Variants in ZNF157 observed in about 807,000 individuals in gnomAD.
ZNF157 encodes the protein zinc finger protein 157, also known as zinc finger protein 22.
A neutral mutation model predicts 9.4 loss-of-function variants in ZNF157; 8 were observed. The observed-to-expected ratio is 0.85, with a 90% CI of 0.50 to 1.53. The LOEUF is 1.53. Among genes scored for constraint, ZNF157 ranks in the 40% most tolerant of loss-of-function variants. ZNF157 has a pLI of 0.00. For missense variants in ZNF157, 316 were observed against 385.2 expected (o/e 0.82, Z 1.50); for synonymous variants, 120 against 130.8 (o/e 0.92, Z 0.56).
intron 1 of ZNF157, 78 bp from the exon 2 acceptor site, chrX:47,410,198 A>G: frequency 8.5e-7 from 1 of 1,173,739 alleles, no homozygotes; most frequent in Non-Finnish European, 1.2e-6. Flanking sequence ...AACTTTCAAC[A>G]GGGCTCCATT....
At chrX:47,378,976 C>T (rs2055853119) in intron 1 of ZNF157, among the ~76,000 whole-genome samples, 1 of 111,612 alleles carries the variant, frequency 9.0e-6, no homozygotes. Flanking sequence ...TATAATTTTA[C>T]AACGGTAGTT....
At chrX:47,379,724 C>CTT (rs200985634) in intron 1 of ZNF157, among the ~76,000 whole-genome samples, 1,645 of 62,717 alleles carry the variant, frequency 0.026, 142 homozygotes, top group African/African-American at 0.092. Context: ...TGTCTAGATG[C>CTT]TTTTTTTTTT....
intron 2 of ZNF157, 59 bp downstream of exon 2, chrX:47,410,461 A>G: frequency 8.5e-7 from 1 of 1,178,838 alleles, no homozygotes; most frequent in Non-Finnish European, 1.1e-6. Context: ...TGGTTGCTGT[A>G]ACATGTGCAG....
chrX:47,372,899 C>T (rs1379295517), intron 1 of ZNF157, among the ~76,000 whole-genome samples: 1 of 109,993 alleles, frequency 9.1e-6, no homozygotes, highest in East Asian at 2.9e-4. Context: ...GACCTCATTA[C>T]TACAAAAAAT....
Position 47,413,342 on chromosome X carries a change from C to G in ZNF157, c.1269C>G (p.Phe423Leu), listed in dbSNP as rs1569261735. ...PYECSECGKI[F>L]SMKKSLCQHR... ...AATGTAGTGAATGTGGGAAAATCTT[C>G]AGTATGAAGAAATCCCTTTGTCAAC... The change falls in exon 4 of 4, where the codon TTC becomes TTG. Residue 423 changes from phenylalanine (F) to leucine (L), a missense_variant. Physicochemically the swap from Phe to Leu is conservative, Grantham distance 22. Coordinates refer to ENST00000377073, the MANE Select transcript of ZNF157 (RefSeq NM_003446.4). The G allele has an allele frequency of 8.3e-7, 1 of 1,211,303 alleles. No individual in the cohort carries two copies. Among genetic ancestry groups the G allele is most frequent in the East Asian group, 3.0e-5 (1 of 33,798 alleles).
chrX:47,407,883 T>G, intron 1 of ZNF157, among the ~76,000 whole-genome samples: 1 of 110,376 alleles, frequency 9.1e-6, no homozygotes, highest in Admixed American at 9.8e-5. Flanking sequence ...CCTCCTACCT[T>G]CCAACACCCC....
intron 1 of ZNF157, among the ~76,000 whole-genome samples, chrX:47,388,321 T>G (rs2055886263): frequency 9.1e-6 from 1 of 109,562 alleles, no homozygotes; most frequent in Non-Finnish European, 1.9e-5. Context: ...TGAGCTCAAG[T>G]CATCCTCCCG....
chrX:47,404,286 C>A (rs2055940172), intron 1 of ZNF157, among the ~76,000 whole-genome samples: 1 of 109,507 alleles, frequency 9.1e-6, no homozygotes, highest in Non-Finnish European at 1.9e-5. Context: ...CCCCCTCGGC[C>A]TCCCTGTAGC....
At chrX:47,391,758 C>A (rs953187750) in intron 1 of ZNF157, among the ~76,000 whole-genome samples, 1 of 111,865 alleles carries the variant, frequency 8.9e-6, no homozygotes, top group Non-Finnish European at 1.9e-5. Flanking sequence ...CCGTGTTGGC[C>A]AGGCTGGTCT....
intron 1 of ZNF157, among the ~76,000 whole-genome samples, chrX:47,392,023 GGGACTACA>G (rs2055899055): frequency 9.1e-6 from 1 of 109,849 alleles, no homozygotes. Context: ...CTAAGTAGCT[GGGACTACA>G]GGCACCCGCC....
At chrX:47,409,666 C>T (rs1239793761) in intron 1 of ZNF157, among the ~76,000 whole-genome samples, 2 of 102,080 alleles carry the variant, frequency 2.0e-5, no homozygotes, top group South Asian at 4.7e-4. Context: ...TTTTTTGAGA[C>T]GGAGTCTTGC....
At position 47,374,339 on chromosome X, in the gene ZNF157, G is replaced by A. The variant is rs939951857; in HGVS notation, c.72+3599G>A. Among the ~76,000 whole-genome samples the A allele has an allele frequency of 6.4e-5, 7 of 109,925 alleles. No individual in the cohort carries two copies. The East Asian group carries it at 2.0e-3, about 31-fold the overall frequency. Reference sequence around the variant, plus strand: ...CTCCTACACAGTGGGGTAAATGCATGTGAGAACAATTGTGGGATTGTATGC... The same window carrying A: ...CTCCTACACAGTGGGGTAAATGCATATGAGAACAATTGTGGGATTGTATGC... On this transcript the variant is annotated intron_variant, in intron 1 of 3. Coordinates refer to ENST00000377073, the MANE Select transcript of ZNF157 (RefSeq NM_003446.4).
intron 1 of ZNF157, among the ~76,000 whole-genome samples, chrX:47,391,608 T>A (rs1043791095): frequency 8.9e-6 from 1 of 112,207 alleles, no homozygotes; most frequent in African/African-American, 3.2e-5. Context: ...TGGAGTGCAG[T>A]GGCACGATCT....
chrX:47,409,845 A>G lies in ZNF157; in HGVS notation c.73-431A>G, dbSNP rs767089953. Among the ~76,000 whole-genome samples, 28 of 106,541 alleles carry G rather than the reference A, an allele frequency of 2.6e-4. No homozygotes were observed. The East Asian group carries it at 5.1e-3, about 20-fold the overall frequency. 92.5% of individuals were successfully genotyped at this position (106,541 alleles called of 115,157 possible). On this transcript the variant is annotated intron_variant, in intron 1 of 3. Coordinates refer to ENST00000377073, the MANE Select transcript of ZNF157 (RefSeq NM_003446.4). ...TTTTAGTAGAGATGGGGTTCACCCC[A>G]TCTCTGTTGGCCAGTCTGGTCTTGA...
At chrX:47,399,140 C>T (rs143978895) in intron 1 of ZNF157, among the ~76,000 whole-genome samples, 1,165 of 111,969 alleles carry the variant, frequency 0.01, 52 homozygotes, top group Admixed American at 0.099. Flanking sequence ...CTGATTTCTA[C>T]CCACACACTG....
At chrX:47,397,596 G>A (rs758648513) in intron 1 of ZNF157, among the ~76,000 whole-genome samples, 1 of 110,398 alleles carries the variant, frequency 9.1e-6, no homozygotes, top group South Asian at 3.8e-4. Flanking sequence ...TGTATTTTTA[G>A]TAGAGACAGA....
chrX:47,405,768 A>T (rs1478918772), intron 1 of ZNF157, among the ~76,000 whole-genome samples: 1 of 111,992 alleles, frequency 8.9e-6, no homozygotes, highest in Non-Finnish European at 1.9e-5. Flanking sequence ...ACGTAATAGT[A>T]ATCAAATACA....
chrX:47,380,428 G>C (rs2055857800), intron 1 of ZNF157, among the ~76,000 whole-genome samples: 1 of 111,656 alleles, frequency 9.0e-6, no homozygotes, highest in Non-Finnish European at 1.9e-5. Flanking sequence ...TTCTTACCTT[G>C]GGGTGGGCTG....
At chrX:47,378,162 G>A (rs2055850644) in intron 1 of ZNF157, among the ~76,000 whole-genome samples, 1 of 110,754 alleles carries the variant, frequency 9.0e-6, no homozygotes, top group African/African-American at 3.3e-5. Context: ...GGGCCAGTGA[G>A]TTAGAAGTGC....
Sources: allele counts gnomAD v4.1 joint callset (sites outside exome capture counted in the v4.1 genomes callset), GRCh38; gene constraint gnomAD v4.1.1; transcripts MANE v1.5; gene names NCBI Gene and HGNC (gene_info 2026-07-23, HGNC 2026-07-21).